The following BTD variants were observed in gnomAD, a reference collection of about 807,000 sequenced individuals.
The protein encoded by BTD is biocytinase.
In BTD, 13 loss-of-function variants were observed where a neutral mutation model predicts 17.7. The ratio of observed to expected loss-of-function variants is 0.74; its 90% CI spans 0.48 to 1.17. The LOEUF is 1.17. BTD is among the 50% of genes most tolerant of loss of function. The pLI is 0.00. For synonymous variants in BTD, 240 were observed against 245.2 expected, an observed-to-expected ratio of 0.98 and a Z score of 0.20; for missense variants, 674 against 650.4, an observed-to-expected ratio of 1.04 and a Z score of -0.39.
chr3:15,662,926 A>AT (rs1237985248), intron 3 of BTD, among the ~76,000 whole-genome samples: 1 of 149,614 alleles, frequency 6.7e-6, no homozygotes, highest in African/African-American at 2.5e-5. Context: ...TTTACTGAGA[A>AT]TTTTTATCAT....
chr3:15,691,714 C>T (rs1039276934), intron 3 of BTD, among the ~76,000 whole-genome samples: 5 of 152,122 alleles, frequency 3.3e-5, no homozygotes, highest in South Asian at 2.1e-4. Context: ...CTGTAGGTCA[C>T]GGAATTCTAC....
At chr3:15,601,995 A>C (rs1382286011) in intron 1 of BTD, 101 bp downstream of exon 1, 9 of 1,553,830 alleles carry the variant, frequency 5.8e-6, no homozygotes. Flanking sequence ...GGCTGCGCAA[A>C]GGCTGCCGGG....
chr3:15,665,608 T>A (rs2065972588), intron 3 of BTD, among the ~76,000 whole-genome samples: 1 of 151,926 alleles, frequency 6.6e-6, no homozygotes, highest in African/African-American at 2.4e-5. Flanking sequence ...CAGCAACAAA[T>A]CGGTTGGCAT....
intron 4 of BTD, among the ~76,000 whole-genome samples, chr3:15,719,740 G>C (rs1257228418): frequency 6.6e-6 from 1 of 151,868 alleles, no homozygotes; most frequent in Non-Finnish European, 1.5e-5. Context: ...TTTTGGTAGA[G>C]ATAGAGGTCT....
chr3:15,634,921 G>A lies in BTD; in HGVS notation c.-16-503G>A, dbSNP rs550402999. Among the ~76,000 whole-genome samples, 4 of 152,316 alleles carry A rather than the reference G, an allele frequency of 2.6e-5. No homozygotes were observed. In the South Asian group the frequency reaches 6.2e-4, roughly 24 times the overall value. ...TTATTACTAACCAAAGAAATGCAGGGAGAATTGTAATTCATTAGGTTTTGA... is the reference window on the plus strand; with the variant it reads ...TTATTACTAACCAAAGAAATGCAGGAAGAATTGTAATTCATTAGGTTTTGA... On this transcript the variant is annotated intron_variant, in intron 1 of 3. Coordinates refer to ENST00000643237, the MANE Select transcript of BTD (RefSeq NM_001370658.1).
At chr3:15,682,869 T>C (rs1010394197) in intron 3 of BTD, among the ~76,000 whole-genome samples, 2 of 152,226 alleles carry the variant, frequency 1.3e-5, no homozygotes, top group Non-Finnish European at 2.9e-5. Flanking sequence ...TTAAATTCCT[T>C]CCAGCTCAAA....
At chr3:15,630,106 C>T in intron 1 of BTD, 1 of 984,974 alleles carries the variant, frequency 1.0e-6, no homozygotes, top group Non-Finnish European at 1.2e-6. Context: ...AAAAAGATGC[C>T]ATCGTGGGAG....
chr3:15,721,540 T>C (rs1047290220), intron 4 of BTD, among the ~76,000 whole-genome samples: 1 of 152,188 alleles, frequency 6.6e-6, no homozygotes, highest in African/African-American at 2.4e-5. Context: ...TTTTCATCTT[T>C]TTCATTTTGC....
chr3:15,678,259 C>T (rs372111227), intron 3 of BTD: 35 of 1,612,388 alleles, frequency 2.2e-5, no homozygotes, highest in African/African-American at 2.7e-5. Flanking sequence ...AGGTGTTTTC[C>T]CTGTAGAGTC....
chr3:15,679,885 T>C (rs963283123), intron 3 of BTD, among the ~76,000 whole-genome samples: 4 of 149,040 alleles, frequency 2.7e-5, no homozygotes, highest in Admixed American at 1.3e-4. Context: ...TCTTGTCATA[T>C]ACCCTAAATA....
At chr3:15,685,497 T>C (rs1398212352) in intron 3 of BTD, 6 of 1,554,570 alleles carry the variant, frequency 3.9e-6, no homozygotes, top group Middle Eastern at 1.7e-4. Context: ...AAACATTACA[T>C]GCCAATTTCA....
chr3:15,685,244 G>T, intron 3 of BTD: 1 of 1,613,968 alleles, frequency 6.2e-7, no homozygotes. Flanking sequence ...CAAGCCCAGT[G>T]AAGTGCCGTA....
chr3:15,695,128 T>C, intron 3 of BTD: 1 of 1,332,728 alleles, frequency 7.5e-7, no homozygotes, highest in Non-Finnish European at 1.1e-6. Context: ...CAGATAAACA[T>C]AACTGGTAGG....
At chr3:15,684,060 C>T (rs1256257066) in intron 3 of BTD, 1 of 152,152 alleles carries the variant, frequency 6.6e-6, no homozygotes, top group Non-Finnish European at 1.5e-5. Context: ...CTTGAAGCTA[C>T]ACTGAAATTG....
At chr3:15,636,267 T>C (rs2125457648) in intron 2 of BTD, among the ~76,000 whole-genome samples, 1 of 152,284 alleles carries the variant, frequency 6.6e-6, no homozygotes, top group East Asian at 1.9e-4. Context: ...TTCAGACTGT[T>C]TGAGGCTCGT....
At chr3:15,698,644 C>T (rs563526846) in intron 3 of BTD, among the ~76,000 whole-genome samples, 2 of 152,202 alleles carry the variant, frequency 1.3e-5, no homozygotes, top group South Asian at 4.2e-4. Flanking sequence ...TTCACAACTG[C>T]TACAAAGAGA....
chr3:15,685,465 A>C (rs775034189), intron 3 of BTD: 1 of 1,611,196 alleles, frequency 6.2e-7, no homozygotes, highest in Non-Finnish European at 8.5e-7. Flanking sequence ...AATAATTTAA[A>C]GGTAGTCAAA....
chr3:15,671,577 AGTTTTTTTTTT>A (rs934110791), intron 3 of BTD, among the ~76,000 whole-genome samples: 24 of 145,276 alleles, frequency 1.7e-4, no homozygotes, highest in Non-Finnish European at 1.0e-4. Flanking sequence ...TAAACACTAT[AGTTTTTTTTTT>A]GTTTTTTTTT....
chr3:15,679,235 G>A, intron 3 of BTD: 1 of 1,472,160 alleles, frequency 6.8e-7, no homozygotes, highest in East Asian at 2.3e-5. Flanking sequence ...CTCCCAGATT[G>A]TTAGGATTAT....
Sources: allele counts gnomAD v4.1 joint callset (sites outside exome capture counted in the v4.1 genomes callset), GRCh38; gene constraint gnomAD v4.1.1; transcripts MANE v1.5; gene names NCBI Gene and HGNC (gene_info 2026-07-23, HGNC 2026-07-21).